The following HDAC9 variants were observed in gnomAD, a reference collection of about 807,000 sequenced individuals.
The protein encoded by HDAC9 is histone deacetylase 9, also known as MEF-2 interacting transcription repressor (MITR) protein.
HDAC9 carries 41 observed loss-of-function variants against 139.4 expected under a neutral mutation model. The observed-to-expected ratio is 0.29, with a 90% CI of 0.23 to 0.38. The LOEUF (loss-of-function observed/expected upper bound fraction) is 0.38, where lower values mean the gene tolerates loss of function less well. HDAC9 is among the 10% of genes least tolerant of loss of function. The pLI, the probability that HDAC9 is intolerant of heterozygous loss-of-function variation, is 1.00. For synonymous variants in HDAC9, 517 were observed against 476.2 expected, an observed-to-expected ratio of 1.09 and a Z score of -1.12; for missense variants, 1,147 against 1,297.0, an observed-to-expected ratio of 0.88 and a Z score of 1.78.
At chr7:18,987,238 T>C (rs963896452) in intron 25 of HDAC9, among the ~76,000 whole-genome samples, 2 of 152,224 alleles carry the variant, frequency 1.3e-5, no homozygotes, top group African/African-American at 4.8e-5. Flanking sequence ...TTGGAATACG[T>C]CCCATCAATA....
chr7:18,976,901 G>T (rs944643111), intron 25 of HDAC9, among the ~76,000 whole-genome samples: 1 of 152,118 alleles, frequency 6.6e-6, no homozygotes, highest in Non-Finnish European at 1.5e-5. Context: ...CATTAATTAC[G>T]CAGATCCTGC....
At chr7:18,917,743 A>C (rs987365408) in intron 22 of HDAC9, among the ~76,000 whole-genome samples, 3 of 151,996 alleles carry the variant, frequency 2.0e-5, no homozygotes, top group African/African-American at 7.2e-5. Context: ...CGATTTATTG[A>C]AGAAGAAAGG....
chr7:18,200,686 A>G (rs1791054808), intron 2 of HDAC9, among the ~76,000 whole-genome samples: 1 of 152,222 alleles, frequency 6.6e-6, no homozygotes, highest in African/African-American at 2.4e-5. Flanking sequence ...TTCTAAGGAC[A>G]TATCTATCTG....
intron 12 of HDAC9, among the ~76,000 whole-genome samples, chr7:18,706,631 G>A (rs1178113): frequency 0.15 from 22,981 of 152,232 alleles, 2,061 homozygotes; most frequent in East Asian, 0.27. Flanking sequence ...ACTTTGTCCT[G>A]AGAGACATCT....
intron 25 of HDAC9, among the ~76,000 whole-genome samples, chr7:18,980,446 A>G (rs567822431): frequency 2.0e-5 from 3 of 152,296 alleles, no homozygotes; most frequent in Non-Finnish European, 2.9e-5. Flanking sequence ...TGTTTGCTCA[A>G]GGGCAAGTTA....
intron 21 of HDAC9, among the ~76,000 whole-genome samples, chr7:18,860,330 A>C (rs1259335198): frequency 1.3e-5 from 2 of 152,108 alleles, no homozygotes; most frequent in Non-Finnish European, 2.9e-5. Context: ...TCTGCTATGT[A>C]AGTTTTAAGA....
At chr7:18,485,600 A>T (rs1795916338) in intron 1 of HDAC9, among the ~76,000 whole-genome samples, 1 of 151,758 alleles carries the variant, frequency 6.6e-6, no homozygotes, top group South Asian at 2.1e-4. Context: ...GTAGTCCTTC[A>T]ATCATTTAGT....
chr7:18,946,241 T>C (rs974360184), intron 23 of HDAC9, among the ~76,000 whole-genome samples: 2 of 151,994 alleles, frequency 1.3e-5, no homozygotes, highest in African/African-American at 4.8e-5. Context: ...TCTTTCTGTT[T>C]GTTTTTCTTC....
At chr7:18,611,914 G>A (rs768583548) in intron 6 of HDAC9, among the ~76,000 whole-genome samples, 13 of 151,952 alleles carry the variant, frequency 8.6e-5, no homozygotes, top group African/African-American at 2.4e-4. Flanking sequence ...TTTCTGCATC[G>A]AAATATTTAA....
At chr7:18,101,938 A>G (rs891270297) in intron 1 of HDAC9, among the ~76,000 whole-genome samples, 7 of 152,178 alleles carry the variant, frequency 4.6e-5, no homozygotes, top group Non-Finnish European at 8.8e-5. Context: ...ACAGCTCATA[A>G]ATTACTATAT....
In HDAC9 at chr7:18,786,485, T is replaced by TCTTC. The variant is rs143616708; in HGVS notation, c.2215-6841_2215-6838dup. 7.0e-5 allele frequency among the ~76,000 whole-genome samples: 9 copies of TCTTC among 128,554 alleles called. 2 individuals carry two copies. In the South Asian group the frequency reaches 9.9e-4, roughly 14 times the overall value. 84.3% of individuals were successfully genotyped at this position (128,554 alleles called of 152,430 possible). A position where few individuals can be genotyped will look rare whatever the true frequency, so the allele number is the denominator to read the frequency against. On this transcript the variant is annotated intron_variant, in intron 16 of 25. Transcript: ENST00000686413. ...TCCTTCCTTTCGTCCTTCCTTCCTT[T>TCTTC]CTTCCTTCCTTCCTTCCTTCCTCTC...
chr7:18,591,229 T>G (rs982445284), intron 4 of HDAC9, among the ~76,000 whole-genome samples: 1 of 152,162 alleles, frequency 6.6e-6, no homozygotes, highest in Non-Finnish European at 1.5e-5. Context: ...AAAGTTGATT[T>G]TGGGAATTCC....
At chr7:18,668,989 C>T in intron 12 of HDAC9, 1 of 645,856 alleles carries the variant, frequency 1.5e-6, no homozygotes. Flanking sequence ...ACATCTAATA[C>T]CATTAAAAAC....
chr7:18,384,700 T>C (rs1437548277), intron 1 of HDAC9, among the ~76,000 whole-genome samples: 1 of 151,724 alleles, frequency 6.6e-6, no homozygotes. Flanking sequence ...AGTTGAGTTA[T>C]CCCATAAGCC....
intron 2 of HDAC9, among the ~76,000 whole-genome samples, chr7:18,174,125 T>C (rs1310838609): frequency 6.6e-6 from 1 of 152,232 alleles, no homozygotes. Context: ...GTCCCATATT[T>C]CTTGGAGGCT....
intron 1 of HDAC9, among the ~76,000 whole-genome samples, chr7:18,460,102 G>A (rs757539411): frequency 6.6e-6 from 1 of 151,950 alleles, no homozygotes; most frequent in Non-Finnish European, 1.5e-5. Flanking sequence ...TTGACTTTTT[G>A]TAGAGACAGG....
At chr7:18,580,087 T>C (rs188029387) in intron 2 of HDAC9, among the ~76,000 whole-genome samples, 1 of 152,324 alleles carries the variant, frequency 6.6e-6, no homozygotes, top group African/African-American at 2.4e-5. Context: ...GTAACTAGAT[T>C]ATCCTTAGTA....
intron 2 of HDAC9, among the ~76,000 whole-genome samples, chr7:18,558,716 T>C (rs1031113265): frequency 1.3e-5 from 2 of 152,196 alleles, no homozygotes; most frequent in African/African-American, 4.8e-5. Context: ...GAGCACGAAC[T>C]TTTCTGGCAA....
At chr7:18,200,709 A>T (rs1791056674) in intron 2 of HDAC9, among the ~76,000 whole-genome samples, 1 of 152,216 alleles carries the variant, frequency 6.6e-6, no homozygotes, top group Non-Finnish European at 1.5e-5. Flanking sequence ...AAATCATACA[A>T]AGAGAAGCTA....
Sources: gnomAD v4.1 joint callset for allele counts (sites outside exome capture counted in the v4.1 genomes callset) on GRCh38, gnomAD v4.1.1 for gene constraint, MANE v1.5 for transcripts, NCBI Gene and HGNC (gene_info 2026-07-23, HGNC 2026-07-21) for gene names.